The following CSMD1 variants were observed in gnomAD, a reference collection of about 807,000 sequenced individuals.
CSMD1 encodes CUB and Sushi multiple domains 1.
A neutral mutation model predicts 417.5 loss-of-function variants in CSMD1; 213 were observed. The ratio of observed to expected loss-of-function variants is 0.51; its 90% CI spans 0.46 to 0.57. The LOEUF (loss-of-function observed/expected upper bound fraction) is 0.57. Ranked by LOEUF, CSMD1 falls within the 20% of genes least tolerant of loss-of-function variation. CSMD1 has a pLI of 0.00. For missense variants in CSMD1, 6,923 were observed against 4,529.7 expected, an observed-to-expected ratio of 1.53 and a Z score of -15.17; for synonymous variants, 2,862 against 1,736.8, an observed-to-expected ratio of 1.65 and a Z score of -16.11.
At chr8:3,727,896 T>A (rs1802586817) in intron 6 of CSMD1, among the ~76,000 whole-genome samples, 2 of 152,150 alleles carry the variant, frequency 1.3e-5, no homozygotes, top group Non-Finnish European at 2.9e-5. Flanking sequence ...CATCGATAAT[T>A]AGATACTTAG....
chr8:4,183,903 A>C (rs955348489), intron 3 of CSMD1, among the ~76,000 whole-genome samples: 3 of 152,184 alleles, frequency 2.0e-5, no homozygotes, highest in African/African-American at 7.2e-5. Flanking sequence ...GTTTGGCCAC[A>C]GCTTGGGGCA....
intron 1 of CSMD1, among the ~76,000 whole-genome samples, chr8:4,709,298 G>T (rs972767794): frequency 6.6e-6 from 1 of 152,192 alleles, no homozygotes; most frequent in Non-Finnish European, 1.5e-5. Context: ...GTAGAAGGAG[G>T]TGCTGAACTA....
At chr8:3,853,801 A>G (rs994357005) in intron 5 of CSMD1, among the ~76,000 whole-genome samples, 2 of 151,374 alleles carry the variant, frequency 1.3e-5, no homozygotes, top group African/African-American at 2.4e-5. Context: ...GCACACCAAC[A>G]TGGCACATGT....
intron 1 of CSMD1, among the ~76,000 whole-genome samples, chr8:4,816,975 G>C (rs188180520): frequency 1.8e-4 from 27 of 152,274 alleles, no homozygotes; most frequent in African/African-American, 6.5e-4. Context: ...TAACAGTAAA[G>C]AAAACTGCAC....
At chr8:4,772,821 T>C (rs1468054449) in intron 1 of CSMD1, among the ~76,000 whole-genome samples, 1 of 152,196 alleles carries the variant, frequency 6.6e-6, no homozygotes, top group Non-Finnish European at 1.5e-5. Flanking sequence ...TACTAACATT[T>C]CCTAAGTTTG....
At chr8:4,553,650 G>T (rs557333804) in intron 2 of CSMD1, among the ~76,000 whole-genome samples, 1 of 152,132 alleles carries the variant, frequency 6.6e-6, no homozygotes, top group Admixed American at 6.5e-5. Context: ...AAAAGCATCA[G>T]TGAGATCATA....
At position 4,286,445 on chromosome 8, in the gene CSMD1, G is replaced by A. The variant is rs531125323; in HGVS notation, c.415+133508C>T. Among the ~76,000 whole-genome samples the A allele has an allele frequency of 2.6e-5, 4 of 152,190 alleles. No individual in the cohort carries two copies. In the South Asian group the frequency reaches 6.2e-4, roughly 24 times the overall value. On this transcript the variant is annotated intron_variant, in intron 3 of 69. Transcript: ENST00000635120. ...AAATCATGGAGAGTATGTTTAGTCG[G>A]TTGCAATATGAATTACCCATTGTGC...
chr8:2,992,685 A>G (rs567523468), intron 54 of CSMD1, among the ~76,000 whole-genome samples: 1 of 152,074 alleles, frequency 6.6e-6, no homozygotes, highest in East Asian at 1.9e-4. Flanking sequence ...TCAGCCTCCC[A>G]AAGTGCTGTG....
At chr8:4,806,674 C>G (rs1798605661) in intron 1 of CSMD1, among the ~76,000 whole-genome samples, 1 of 152,140 alleles carries the variant, frequency 6.6e-6, no homozygotes, top group South Asian at 2.1e-4. Flanking sequence ...GCATTTGAAC[C>G]ATGGTCGCAG....
At chr8:3,663,826 G>A (rs977997120) in intron 7 of CSMD1, among the ~76,000 whole-genome samples, 1 of 152,048 alleles carries the variant, frequency 6.6e-6, no homozygotes, top group African/African-American at 2.4e-5. Flanking sequence ...ACTATACTCT[G>A]ACCACCGGGG....
At chr8:3,269,664 G>C (rs1341004938) in intron 26 of CSMD1, among the ~76,000 whole-genome samples, 1 of 152,188 alleles carries the variant, frequency 6.6e-6, no homozygotes, top group Admixed American at 6.5e-5. Context: ...GCCACACTGA[G>C]CGTTTATTTA....
chr8:3,979,452 C>T (rs754270132), intron 5 of CSMD1, among the ~76,000 whole-genome samples: 1 of 152,190 alleles, frequency 6.6e-6, no homozygotes, highest in Non-Finnish European at 1.5e-5. Flanking sequence ...GTGCATGCAA[C>T]TCACAGGATA....
chr8:3,458,246 T>G (rs1221371424), intron 12 of CSMD1, among the ~76,000 whole-genome samples: 1 of 152,176 alleles, frequency 6.6e-6, no homozygotes, highest in Non-Finnish European at 1.5e-5. Context: ...AATGTCAAAT[T>G]TCTGCGTTAG....
At chr8:4,139,672 G>A (rs915926673) in intron 3 of CSMD1, among the ~76,000 whole-genome samples, 1 of 151,168 alleles carries the variant, frequency 6.6e-6, no homozygotes, top group Non-Finnish European at 1.5e-5. Context: ...ATGCCAAACA[G>A]TGCCATTTGC....
intron 3 of CSMD1, among the ~76,000 whole-genome samples, chr8:4,196,939 G>C (rs1015337069): frequency 2.6e-4 from 40 of 152,182 alleles, no homozygotes; most frequent in African/African-American, 8.9e-4. Flanking sequence ...AAATTTGTTT[G>C]TTCTTTGCTC....
chr8:4,609,793 G>A (rs919574103), intron 2 of CSMD1, among the ~76,000 whole-genome samples: 11 of 152,148 alleles, frequency 7.2e-5, no homozygotes, highest in African/African-American at 2.7e-4. Context: ...AACAAATCCA[G>A]ATTATGGTGA....
chr8:4,465,210 A>G (rs146131166), intron 2 of CSMD1, among the ~76,000 whole-genome samples: 10 of 152,294 alleles, frequency 6.6e-5, no homozygotes, highest in East Asian at 1.9e-4. Context: ...GATGCCACAT[A>G]AAGTATACAC....
At chr8:4,558,839 G>C (rs902627071) in intron 2 of CSMD1, among the ~76,000 whole-genome samples, 1 of 152,168 alleles carries the variant, frequency 6.6e-6, no homozygotes, top group Non-Finnish European at 1.5e-5. Flanking sequence ...CTGCACTCCA[G>C]ACTGGGCAAC....
chr8:4,018,883 T>C (rs1026633296), intron 4 of CSMD1, among the ~76,000 whole-genome samples: 1 of 152,106 alleles, frequency 6.6e-6, no homozygotes, highest in African/African-American at 2.4e-5. Context: ...AGAGGGATGA[T>C]GATAATATAT....
Sources: gnomAD v4.1 joint callset for allele counts (sites outside exome capture counted in the v4.1 genomes callset) on GRCh38, gnomAD v4.1.1 for gene constraint, MANE v1.5 for transcripts, NCBI Gene and HGNC (gene_info 2026-07-23, HGNC 2026-07-21) for gene names.